Variants in COL4A2 observed in about 807,000 individuals in gnomAD.
COL4A2 encodes the protein collagen alpha-2(IV) chain.
In COL4A2, 99 loss-of-function variants were observed where a neutral mutation model predicts 200.2. The observed-to-expected ratio is 0.49, with a 90% CI of 0.42 to 0.58. The LOEUF is 0.58. Among genes scored for constraint, COL4A2 ranks in the 20% least tolerant of loss-of-function variants. The pLI, the probability that COL4A2 is intolerant of heterozygous loss-of-function variation, is 0.00. For missense variants in COL4A2, 1,950 were observed against 2,314.1 expected, an observed-to-expected ratio of 0.84 and a Z score of 3.23; for synonymous variants, 897 against 900.6, an observed-to-expected ratio of 1.00 and a Z score of 0.07.
intron 3 of COL4A2, among the ~76,000 whole-genome samples, chr13:110,323,345 G>T (rs1466836837): frequency 2.0e-5 from 3 of 152,208 alleles, no homozygotes; most frequent in Non-Finnish European, 2.9e-5. Context: ...GAGGAGGAGC[G>T]CATCCACAGG....
rs77186184 is a variant in COL4A2 at position 110,448,966 on chromosome 13, C to T, written c.1079-713C>T. Among the ~76,000 whole-genome samples the T allele has an allele frequency of 9.7e-3, 1,475 of 152,334 alleles. 19 individuals carry two copies. The highest frequency in any genetic ancestry group is 0.034 in the African/African-American group (1,422 of 41,586). On this transcript the variant is annotated intron_variant, in intron 18 of 47. Coordinates refer to ENST00000360467, the MANE Select transcript of COL4A2 (RefSeq NM_001846.4). ...TGCGGAGCGCAGCCCCCTGCACACT[C>T]GGCACGAAGCTGCCCGAGCAGGAGA...
intron 4 of COL4A2, among the ~76,000 whole-genome samples, chr13:110,395,381 A>G (rs770983989): frequency 2.0e-5 from 3 of 152,168 alleles, no homozygotes; most frequent in Non-Finnish European, 4.4e-5. Context: ...GACAGATACT[A>G]TATGAAGGCA....
intron 4 of COL4A2, among the ~76,000 whole-genome samples, chr13:110,411,177 G>T (rs1879817538): frequency 6.6e-6 from 1 of 152,130 alleles, no homozygotes; most frequent in African/African-American, 2.4e-5. Context: ...GGGCCTCTGC[G>T]AAGCGGCCTC....
intron 4 of COL4A2, among the ~76,000 whole-genome samples, chr13:110,379,346 C>T (rs1324931499): frequency 6.6e-6 from 1 of 152,226 alleles, no homozygotes; most frequent in African/African-American, 2.4e-5. Context: ...GGCGAGTACG[C>T]GTGCAGGTGC....
chr13:110,423,490 C>CT (rs1880340351), intron 4 of COL4A2, among the ~76,000 whole-genome samples: 1 of 152,058 alleles, frequency 6.6e-6, no homozygotes, highest in Non-Finnish European at 1.5e-5. Flanking sequence ...ACGTGCTGGG[C>CT]TTAACACCTA....
chr13:110,369,439 C>T (rs1877905633), intron 4 of COL4A2, among the ~76,000 whole-genome samples: 1 of 152,080 alleles, frequency 6.6e-6, no homozygotes, highest in Admixed American at 6.6e-5. Context: ...ATTCAAAAAA[C>T]TCCCAAATCC....
At chr13:110,408,799 G>A (rs1233169328) in intron 4 of COL4A2, among the ~76,000 whole-genome samples, 2 of 39,390 alleles carry the variant, frequency 5.1e-5, no homozygotes, top group Admixed American at 2.6e-4. Flanking sequence ...ACACACACAC[G>A]CACACATATA....
At chr13:110,352,616 T>G (rs761261765) in intron 3 of COL4A2, among the ~76,000 whole-genome samples, 13 of 152,118 alleles carry the variant, frequency 8.5e-5, no homozygotes, top group Non-Finnish European at 1.6e-4. Flanking sequence ...TTTGTCATGT[T>G]AGTTTGGAAT....
chr13:110,422,838 A>G (rs1310273767), intron 4 of COL4A2, among the ~76,000 whole-genome samples: 2 of 152,164 alleles, frequency 1.3e-5, no homozygotes, highest in African/African-American at 4.8e-5. Flanking sequence ...AGATCTTCCC[A>G]CACCCCTCCA....
At position 110,335,961 on chromosome 13, in the gene COL4A2, G is replaced by T. The variant is rs2149772; in HGVS notation, c.100-21511G>T. 1.3e-3 allele frequency among the ~76,000 whole-genome samples: 197 copies of T among 152,206 alleles called. 4 individuals are homozygous for T. The East Asian group carries it at 0.036, about 28-fold the overall frequency. ...TGTGCTTTGCAAAAAGAAGACTCTC[G>T]TGGGCTTCTGTTGGCAATGTAGACT... On this transcript the variant is annotated intron_variant, in intron 3 of 47. Transcript: ENST00000360467.
chr13:110,478,050 C>T lies in COL4A2; in HGVS notation c.2473C>T (p.Leu825Phe), dbSNP rs781631712. ...GMPGLKGQPG[L>F]PGPSGQPGLY... is the part of the protein sequence containing the mutation. ...GCCAGGGCTGAAGGGCCAGCCAGGC[C>T]TCCCAGGACCTTCCGGCCAGCCAGG... Residue 825 changes from leucine (L) to phenylalanine (F), a missense_variant, in exon 30 of 48, where the codon CTC (leucine) becomes TTC (phenylalanine). Leu to Phe is a conservative substitution (Grantham distance 22). Coordinates refer to ENST00000360467, the MANE Select transcript of COL4A2 (RefSeq NM_001846.4). 6.3e-7 allele frequency: 1 copy of T among 1,593,954 alleles called. No homozygotes were observed.
At chr13:110,397,077 C>T (rs971777268) in intron 4 of COL4A2, among the ~76,000 whole-genome samples, 5 of 152,156 alleles carry the variant, frequency 3.3e-5, no homozygotes, top group African/African-American at 9.7e-5. Flanking sequence ...GCTCAAGGCC[C>T]GAGCAGGCCT....
intron 4 of COL4A2, among the ~76,000 whole-genome samples, chr13:110,370,731 T>C (rs1877967402): frequency 6.6e-6 from 1 of 152,230 alleles, no homozygotes; most frequent in Non-Finnish European, 1.5e-5. Flanking sequence ...AAGGTGTTCT[T>C]CTGCCCTTGA....
intron 4 of COL4A2, among the ~76,000 whole-genome samples, chr13:110,390,804 C>T (rs187255023): frequency 8.9e-4 from 135 of 152,280 alleles, no homozygotes; most frequent in African/African-American, 3.0e-3. Context: ...GAGTAATCCG[C>T]TTGTTTAGGG....
chr13:110,489,567 G>A, intron 35 of COL4A2, 59 bp downstream of exon 35: 1 of 1,601,522 alleles, frequency 6.2e-7, no homozygotes, highest in Non-Finnish European at 8.6e-7. Flanking sequence ...CTCTGAGCAT[G>A]TGAGCCAATT....
intron 22 of COL4A2, chr13:110,459,693 C>T (rs1046556278): frequency 2.6e-5 from 4 of 152,172 alleles, no homozygotes; most frequent in African/African-American, 9.7e-5. Flanking sequence ...CTAAAAATCA[C>T]TGAATTTTAT....
intron 4 of COL4A2, among the ~76,000 whole-genome samples, chr13:110,395,420 G>A (rs891689033): frequency 1.3e-5 from 2 of 152,202 alleles, no homozygotes; most frequent in African/African-American, 4.8e-5. Flanking sequence ...GGGGAGGATG[G>A]CAGGGGAGGT....
rs1158783537 is a variant in COL4A2 at position 110,408,940 on chromosome 13, CAT to C, written c.181-15788_181-15787del. On this transcript the variant is annotated intron_variant, in intron 4 of 47. Transcript: ENST00000360467. ...ATGCACACACACGTACACACGCACA[CAT>C]ATATACACGGACACATACACATAAC... 3.9e-4 allele frequency among the ~76,000 whole-genome samples: 14 copies of C among 35,908 alleles called. 2 individuals carry two copies. Among genetic ancestry groups the C allele is most frequent in the African/African-American group, 1.1e-3 (12 of 10,706 alleles). 23.6% of individuals were successfully genotyped at this position (35,908 alleles called of 152,430 possible).
chr13:110,500,638 A>G (rs1358279468), intron 40 of COL4A2, among the ~76,000 whole-genome samples: 1 of 152,220 alleles, frequency 6.6e-6, no homozygotes, highest in Non-Finnish European at 1.5e-5. Context: ...AGTCACCAAG[A>G]ACACTGACTT....
Sources: gnomAD v4.1 joint callset for allele counts (sites outside exome capture counted in the v4.1 genomes callset) on GRCh38, gnomAD v4.1.1 for gene constraint, MANE v1.5 for transcripts, NCBI Gene and HGNC (gene_info 2026-07-23, HGNC 2026-07-21) for gene names.